Variants in CCDC12 observed in about 807,000 individuals in gnomAD.
CCDC12 encodes the protein coiled-coil domain containing 12.
In CCDC12, 28 loss-of-function variants were observed where a neutral mutation model predicts 25.7. The ratio of observed to expected loss-of-function variants is 1.09; its 90% CI spans 0.81 to 1.50. The LOEUF is 1.50. CCDC12 is among the 40% of genes most tolerant of loss of function. The pLI is 0.00. For synonymous variants in CCDC12, 75 were observed against 87.7 expected, an observed-to-expected ratio of 0.86 and a Z score of 0.81; for missense variants, 198 against 210.0, an observed-to-expected ratio of 0.94 and a Z score of 0.35.
chr3:46,931,530 C>T (rs2033212515), intron 2 of CCDC12, among the ~76,000 whole-genome samples: 1 of 152,194 alleles, frequency 6.6e-6, no homozygotes, highest in African/African-American at 2.4e-5. Context: ...TGCTACCAGG[C>T]TTATCCTTTG....
chr3:46,976,699 C>G lies in CCDC12; in HGVS notation c.34G>C (p.Glu12Gln), dbSNP rs147840111. ...EATTAGVGRL[E>Q]EEALRRKERL... is the part of the protein sequence containing the mutation. The stretch of plus-strand genomic sequence containing the variant: ...TCCTTTCGCCGCAACGCCTCTTCCT[C>G]TAGCCGGCCCACACCAGCCGTAGTT... The change falls in exon 1 of 7, where the codon GAG (glutamate) becomes CAG (glutamine). Residue 12 changes from glutamate to glutamine, a missense_variant. Transcript: ENST00000683445. 72 of 1,604,696 alleles carry G rather than the reference C, an allele frequency of 4.5e-5. No individual in the cohort carries two copies. The highest frequency in any genetic ancestry group is 4.2e-4 in the Admixed American group (25 of 58,920).
chr3:46,951,596 C>T (rs1371620845), intron 1 of CCDC12, among the ~76,000 whole-genome samples: 1 of 149,394 alleles, frequency 6.7e-6, no homozygotes, highest in Non-Finnish European at 1.5e-5. Flanking sequence ...CTGGCTAACA[C>T]AGTGAAACCC....
chr3:46,974,962 G>A (rs1170549023), intron 1 of CCDC12, among the ~76,000 whole-genome samples: 1 of 152,228 alleles, frequency 6.6e-6, no homozygotes, highest in African/African-American at 2.4e-5. Flanking sequence ...GAGAGATGAA[G>A]CAATGTGTCC....
At chr3:46,967,917 T>G (rs901695947) in intron 1 of CCDC12, among the ~76,000 whole-genome samples, 5 of 152,238 alleles carry the variant, frequency 3.3e-5, no homozygotes, top group Non-Finnish European at 5.9e-5. Flanking sequence ...ATGCATGAAT[T>G]TATAGGCTAT....
chr3:46,922,961 A>C, intron 5 of CCDC12: 7 of 194,074 alleles, frequency 3.6e-5, no homozygotes, highest in Non-Finnish European at 5.2e-5. Flanking sequence ...GCCAGAGGGA[A>C]CAAGCTATGG....
In CCDC12 at chr3:46,921,915, C is replaced by A. The variant is rs1362801794; in HGVS notation, c.*142G>T. 2 of 833,144 alleles carry A rather than the reference C, an allele frequency of 2.4e-6. No homozygotes were observed. Among genetic ancestry groups the A allele is most frequent in the Non-Finnish European group, 3.8e-6 (2 of 528,212 alleles). 51.6% of individuals were successfully genotyped at this position (833,144 alleles called of 1,614,324 possible). On this transcript the variant is annotated 3_prime_UTR_variant, in exon 7 of 7. Transcript: ENST00000683445. Reference sequence around the variant, plus strand: ...CAGCAGACAAGGAGCTGACCTCATCCATGGGGGTTTCAGACTTGATGGGCA... The same window carrying A: ...CAGCAGACAAGGAGCTGACCTCATCAATGGGGGTTTCAGACTTGATGGGCA...
At chr3:46,924,740 C>A (rs1236614019) in intron 3 of CCDC12, among the ~76,000 whole-genome samples, 2 of 152,186 alleles carry the variant, frequency 1.3e-5, no homozygotes, top group Admixed American at 1.3e-4. Flanking sequence ...CCCAGCTACT[C>A]AGGAGGCTGA....
At chr3:46,940,162 G>C (rs892822690) in intron 2 of CCDC12, among the ~76,000 whole-genome samples, 2 of 152,206 alleles carry the variant, frequency 1.3e-5, no homozygotes, top group African/African-American at 4.8e-5. Context: ...TGCTCACAAA[G>C]ATCAGCAGCA....
chr3:46,941,164 G>T (rs2033687018), intron 1 of CCDC12, 99 bp from the exon 2 acceptor site: 5 of 1,138,800 alleles, frequency 4.4e-6, no homozygotes, highest in Non-Finnish European at 6.7e-6. Context: ...CAGAAGGGGG[G>T]CACCTGGCAG....
At chr3:46,978,510 C>T (rs1467155528), upstream of CCDC12, among the ~76,000 whole-genome samples, 1 of 151,050 alleles carries the variant, frequency 6.6e-6, no homozygotes, top group Non-Finnish European at 1.5e-5. Flanking sequence ...GGGTTGGGTC[C>T]CTGCCACCAT....
intron 2 of CCDC12, among the ~76,000 whole-genome samples, chr3:46,935,099 A>C (rs142347116): frequency 6.6e-6 from 1 of 152,342 alleles, no homozygotes; most frequent in East Asian, 1.9e-4. Flanking sequence ...AGGGTCATGC[A>C]CACATTGAGC....
chr3:46,939,935 C>G (rs2033624981), intron 2 of CCDC12, among the ~76,000 whole-genome samples: 1 of 152,160 alleles, frequency 6.6e-6, no homozygotes, highest in African/African-American at 2.4e-5. Flanking sequence ...ATTCCCTCCC[C>G]TCCCGCTCCC....
At chr3:46,970,443 G>A (rs758415816) in intron 1 of CCDC12, among the ~76,000 whole-genome samples, 1 of 152,192 alleles carries the variant, frequency 6.6e-6, no homozygotes, top group Non-Finnish European at 1.5e-5. Context: ...CACATTTCAA[G>A]GGCTTGAAAG....
intron 1 of CCDC12, among the ~76,000 whole-genome samples, chr3:46,959,925 C>G (rs2034412862): frequency 6.6e-6 from 1 of 152,184 alleles, no homozygotes; most frequent in Non-Finnish European, 1.5e-5. Context: ...AGTTATGCAG[C>G]CTGGGACAAA....
rs1264166051 is a variant in CCDC12 at position 46,938,427 on chromosome 3, T to G, written c.164+2571A>C. Among the ~76,000 whole-genome samples the G allele has an allele frequency of 2.0e-5, 3 of 151,602 alleles. No homozygotes were observed. The East Asian group carries it at 5.8e-4, about 29-fold the overall frequency. ...GATATATCTCAGGCACACAGAAAAG[T>G]CCGGAGAATAACCTAACACATATAC... On this transcript the variant is annotated intron_variant, in intron 2 of 6. Transcript: ENST00000683445.
chr3:46,951,111 G>A (rs1205121363), intron 1 of CCDC12, among the ~76,000 whole-genome samples: 5 of 152,032 alleles, frequency 3.3e-5, no homozygotes, highest in Non-Finnish European at 7.4e-5. Context: ...TCCAGCCTTG[G>A]CAACAGAGTG....
intron 2 of CCDC12, among the ~76,000 whole-genome samples, chr3:46,939,917 T>C (rs2033624288): frequency 6.6e-6 from 1 of 151,948 alleles, no homozygotes; most frequent in Non-Finnish European, 1.5e-5. Flanking sequence ...CAGCTTCCTC[T>C]AAAGAGCATT....
At position 46,923,649 on chromosome 3, in the gene CCDC12, C is replaced by T; in HGVS notation, c.264G>A (p.Glu88=). 6.4e-7 allele frequency: 1 copy of T among 1,571,040 alleles called. No individual in the cohort carries two copies. The highest frequency in any genetic ancestry group is 8.6e-7 in the Non-Finnish European group (1 of 1,158,248). ...KPVAVEEKVK[E]QLEAAKPEPV... Reference sequence around the variant, plus strand: ...GCTCGGGCTTGGCGGCCTCCAGCTGCTCCTTCACCTTCTCCTCCACTAGAG... The same window carrying T: ...GCTCGGGCTTGGCGGCCTCCAGCTGTTCCTTCACCTTCTCCTCCACTAGAG... Residue 88 remains glutamate, a synonymous_variant, in exon 4 of 7, where the codon GAG becomes GAA. Transcript: ENST00000683445.
intron 2 of CCDC12, among the ~76,000 whole-genome samples, chr3:46,931,544 C>A (rs1196184040): frequency 6.6e-6 from 1 of 152,206 alleles, no homozygotes; most frequent in Non-Finnish European, 1.5e-5. Flanking sequence ...TCCTTTGGGG[C>A]GCTAGCCTCC....
Sources: allele counts gnomAD v4.1 joint callset (sites outside exome capture counted in the v4.1 genomes callset), GRCh38; gene constraint gnomAD v4.1.1; transcripts MANE v1.5; gene names NCBI Gene and HGNC (gene_info 2026-07-23, HGNC 2026-07-21).